The following CNTLN variants were observed in gnomAD, a reference collection of about 807,000 sequenced individuals.
CNTLN encodes the protein centlein, also known as centlein, centrosomal protein.
A neutral mutation model predicts 180.0 loss-of-function variants in CNTLN; 212 were observed. That is an observed-to-expected ratio of 1.18 (90% CI 1.05 to 1.32). The LOEUF (loss-of-function observed/expected upper bound fraction) is 1.32, where lower values mean the gene tolerates loss of function less well. CNTLN is among the 40% of genes most tolerant of loss of function. The pLI, the probability that CNTLN is intolerant of heterozygous loss-of-function variation, is 0.00. For synonymous variants in CNTLN, 722 were observed against 563.1 expected, an observed-to-expected ratio of 1.28 and a Z score of -3.99; for missense variants, 2,095 against 1,610.9, an observed-to-expected ratio of 1.30 and a Z score of -5.14.
At chr9:17,401,055 C>T (rs1180936546) in intron 15 of CNTLN, among the ~76,000 whole-genome samples, 1 of 152,054 alleles carries the variant, frequency 6.6e-6, no homozygotes, top group Non-Finnish European at 1.5e-5. Flanking sequence ...CTGTGTTCTC[C>T]ACTAAATTGG....
intron 6 of CNTLN, among the ~76,000 whole-genome samples, chr9:17,297,150 CTT>C (rs1476190944): frequency 6.6e-6 from 1 of 152,076 alleles, no homozygotes; most frequent in Non-Finnish European, 1.5e-5. Context: ...CGTGTACAGA[CTT>C]TTTTCTTGTC....
At chr9:17,467,160 G>A (rs1471392369) in intron 23 of CNTLN, among the ~76,000 whole-genome samples, 2 of 151,390 alleles carry the variant, frequency 1.3e-5, no homozygotes, top group Non-Finnish European at 3.0e-5. Context: ...ATCTGGACAG[G>A]TTTTAAGTTG....
chr9:17,178,129 C>T (rs1820848173), intron 2 of CNTLN, among the ~76,000 whole-genome samples: 1 of 151,492 alleles, frequency 6.6e-6, no homozygotes, highest in East Asian at 1.9e-4. Flanking sequence ...TTTACAATAT[C>T]TTAGCTAGAC....
chr9:17,423,503 CT>C (rs1412127723), intron 18 of CNTLN, among the ~76,000 whole-genome samples: 4 of 152,106 alleles, frequency 2.6e-5, no homozygotes, highest in African/African-American at 9.7e-5. Flanking sequence ...GCTTCCCTGC[CT>C]GGAGTAAAGG....
the CNTLN span, among the ~76,000 whole-genome samples, chr9:17,524,869 T>C: frequency 6.6e-6 from 1 of 152,210 alleles, no homozygotes; most frequent in Non-Finnish European, 1.5e-5. Context: ...AAGCAGCCCC[T>C]GACACCTGGG....
intron 2 of CNTLN, among the ~76,000 whole-genome samples, chr9:17,152,139 G>T (rs1199180694): frequency 6.6e-6 from 1 of 152,038 alleles, no homozygotes; most frequent in Non-Finnish European, 1.5e-5. Context: ...TTTTTGAAGG[G>T]TTTTTTGTGT....
Position 17,503,180 on chromosome 9 carries a change from G to C in CNTLN, c.*528G>C, listed in dbSNP as rs1407893765. ...TTGAATCTGTTCTCATTGATGTGCT[G>C]GTTTATGTAGGAGATACTGTGTATT... On this transcript the variant is annotated 3_prime_UTR_variant, in exon 26 of 26. Transcript: ENST00000380647. 1 of 152,160 alleles carries C rather than the reference G, an allele frequency of 6.6e-6. No homozygotes were observed. The allele number at this position is 152,160 out of a possible 1,614,324, so 9.4% of individuals were successfully genotyped here.
chr9:17,214,382 A>C (rs202056824), intron 2 of CNTLN, among the ~76,000 whole-genome samples: 3 of 152,172 alleles, frequency 2.0e-5, no homozygotes, highest in Non-Finnish European at 2.9e-5. Context: ...GAATATAGGC[A>C]CCCACTCTCT....
chr9:17,504,092 A>C (rs1300372123), downstream of CNTLN, among the ~76,000 whole-genome samples: 1 of 33,440 alleles, frequency 3.0e-5, no homozygotes, highest in Non-Finnish European at 1.1e-4. Flanking sequence ...ATACTGCCTT[A>C]CTGCAATTAA....
chr9:17,519,590 C>G, the CNTLN span, among the ~76,000 whole-genome samples: 1 of 152,140 alleles, frequency 6.6e-6, no homozygotes, highest in Admixed American at 6.5e-5. Flanking sequence ...GGAGACTTGC[C>G]AGGACTGAGG....
chr9:17,296,142 A>G (rs1030311682), intron 6 of CNTLN, among the ~76,000 whole-genome samples: 2 of 151,802 alleles, frequency 1.3e-5, no homozygotes, highest in African/African-American at 2.4e-5. Flanking sequence ...AGCTGGAACT[A>G]CAGATGTATG....
chr9:17,282,155 G>T (rs544816253), intron 6 of CNTLN, among the ~76,000 whole-genome samples: 1 of 152,022 alleles, frequency 6.6e-6, no homozygotes, highest in South Asian at 2.1e-4. Context: ...TAGAGATAGG[G>T]TTTCACCATG....
At chr9:17,318,263 T>A (rs887830883) in intron 8 of CNTLN, among the ~76,000 whole-genome samples, 2 of 152,042 alleles carry the variant, frequency 1.3e-5, no homozygotes, top group African/African-American at 2.4e-5. Flanking sequence ...TTTCCTGACC[T>A]CGTGATCCGC....
intron 7 of CNTLN, among the ~76,000 whole-genome samples, chr9:17,305,086 C>G (rs1455463081): frequency 6.6e-6 from 1 of 152,036 alleles, no homozygotes; most frequent in East Asian, 1.9e-4. Context: ...TTCTTTAACA[C>G]TAATAAAATA....
At chr9:17,137,715 A>T (rs908125821) in intron 1 of CNTLN, among the ~76,000 whole-genome samples, 1 of 152,182 alleles carries the variant, frequency 6.6e-6, no homozygotes, top group Non-Finnish European at 1.5e-5. Context: ...AGCTTCATTT[A>T]ATTTGTTTTG....
At chr9:17,213,162 A>C (rs1317268571) in intron 2 of CNTLN, among the ~76,000 whole-genome samples, 2 of 152,114 alleles carry the variant, frequency 1.3e-5, no homozygotes, top group East Asian at 1.9e-4. Context: ...TGTCAATTTT[A>C]GATCTCTTGT....
chr9:17,153,112 A>G (rs150515812), intron 2 of CNTLN, among the ~76,000 whole-genome samples: 3,920 of 152,256 alleles, frequency 0.026, 60 homozygotes, highest in Middle Eastern at 0.099. Context: ...TCTTTATCCA[A>G]TTTGGCAGTC....
chr9:17,440,920 T>A (rs1015078929), intron 18 of CNTLN, among the ~76,000 whole-genome samples: 2 of 152,220 alleles, frequency 1.3e-5, no homozygotes, highest in South Asian at 4.1e-4. Context: ...GATTCAGTGG[T>A]TGACTAGAGC....
chr9:17,253,302 G>A (rs1311100676), intron 5 of CNTLN, among the ~76,000 whole-genome samples: 1 of 151,604 alleles, frequency 6.6e-6, no homozygotes, highest in Non-Finnish European at 1.5e-5. Context: ...CTATTTCTGT[G>A]AAAAATGATG....
Sources: allele counts gnomAD v4.1 joint callset (sites outside exome capture counted in the v4.1 genomes callset), GRCh38; gene constraint gnomAD v4.1.1; transcripts MANE v1.5; gene names NCBI Gene and HGNC (gene_info 2026-07-23, HGNC 2026-07-21).